TRIM10: variants seen among roughly 807,000 people sequenced by gnomAD.
TRIM10 encodes the protein tripartite motif-containing protein 10.
In TRIM10, 42 loss-of-function variants were observed where a neutral mutation model predicts 40.0. That is an observed-to-expected ratio of 1.05 (90% CI 0.82 to 1.36). The LOEUF (loss-of-function observed/expected upper bound fraction) is 1.36. Among genes scored for constraint, TRIM10 ranks in the 40% most tolerant of loss-of-function variants. The pLI is 0.00. For missense variants in TRIM10, 601 were observed against 608.3 expected (o/e 0.99, Z 0.13); for synonymous variants, 260 against 239.5 (o/e 1.09, Z -0.79).
At chr6:30,160,357 A>G in intron 1 of TRIM10, 73 bp downstream of exon 1, 1 of 1,522,202 alleles carries the variant, frequency 6.6e-7, no homozygotes, top group Non-Finnish European at 8.8e-7. Flanking sequence ...GGTGGCCTAA[A>G]TAATCCACAA....
chr6:30,162,672 C>T (rs1210862654), upstream of TRIM10, among the ~76,000 whole-genome samples: 1 of 152,038 alleles, frequency 6.6e-6, no homozygotes, highest in African/African-American at 2.4e-5. Context: ...AGACTGGGAT[C>T]GTCCTTAACG....
intron 2 of TRIM10, among the ~76,000 whole-genome samples, chr6:30,158,904 C>G (rs1581576646): frequency 1.3e-5 from 2 of 152,184 alleles, no homozygotes; most frequent in Non-Finnish European, 2.9e-5. Flanking sequence ...CAGCCCTGAG[C>G]TACTTTACAG....
upstream of TRIM10, among the ~76,000 whole-genome samples, chr6:30,162,671 T>G (rs1773214078): frequency 6.6e-6 from 1 of 152,172 alleles, no homozygotes; most frequent in African/African-American, 2.4e-5. Context: ...GAGACTGGGA[T>G]CGTCCTTAAC....
chr6:30,154,353 A>C lies in TRIM10; in HGVS notation c.1062T>G (p.Val354=), dbSNP rs1772317311. Residue 354 remains valine (V), a synonymous_variant, in exon 7 of 7, where the codon GTT becomes GTG. Transcript: ENST00000449742. ...NPQRFDRATC[V]LAHTGITGGR... is the part of the protein sequence containing the mutation. ...CCCCTGTGATGCCAGTGTGGGCCAG[A>C]ACACAGGTGGCCCGGTCAAAACGTT... is the stretch of plus-strand genomic sequence containing the variant. 3 of 1,612,922 alleles carry C rather than the reference A, an allele frequency of 1.9e-6. No individual in the cohort carries two copies. The highest frequency in any genetic ancestry group is 8.5e-7 in the Non-Finnish European group (1 of 1,180,024).
chr6:30,161,094 G>A lies in TRIM10; in HGVS notation c.-236C>T, dbSNP rs1444873223. ...GGAGAGGAAGGAAGAGGGGCTCACA[G>A]CATTTCAGAGGTGACCTTAGATGAC... On this transcript the variant is annotated 5_prime_UTR_variant, in exon 1 of 7. Transcript: ENST00000449742. 6.6e-6 allele frequency among the ~76,000 whole-genome samples: 1 copy of A among 152,186 alleles called. No homozygotes were observed. The highest frequency in any genetic ancestry group is 2.4e-5 in the African/African-American group (1 of 41,444).
Position 30,159,160 on chromosome 6 carries a change from T to C in TRIM10, c.515A>G (p.Gln172Arg), listed in dbSNP as rs779094819. ...GGGGTGATGACTTACCAGGAGGACTTGCATCCTTTTATTTTCTCTTGACTG... is the reference window on the plus strand; with the variant it reads ...GGGGTGATGACTTACCAGGAGGACTCGCATCCTTTTATTTTCTCTTGACTG... ...EIQSRENKRM[Q>R]VLLTQVSTKR... The change falls in exon 2 of 7, where the codon CAA becomes CGA. Residue 172 changes from glutamine (Q) to arginine (R), a missense_variant. Physicochemically the swap from Gln to Arg is conservative, Grantham distance 43. Coordinates refer to ENST00000449742, the MANE Select transcript of TRIM10 (RefSeq NM_006778.4). 1.9e-6 allele frequency: 3 copies of C among 1,609,876 alleles called. No homozygotes were observed. The highest frequency in any genetic ancestry group is 2.5e-6 in the Non-Finnish European group (3 of 1,177,108).
upstream of TRIM10, chr6:30,163,198 C>G (rs1773275983): frequency 6.1e-6 from 1 of 164,222 alleles, no homozygotes; most frequent in Admixed American, 5.6e-5. Context: ...CCTCTCACTC[C>G]AGCCTGGACT....
intron 6 of TRIM10, 56 bp downstream of exon 6, chr6:30,155,671 T>G: frequency 1.9e-6 from 3 of 1,587,986 alleles, no homozygotes; most frequent in Non-Finnish European, 2.6e-6. Flanking sequence ...CCTGCAAAAT[T>G]TTCTCTCCTT....
At chr6:30,154,834 C>T in intron 6 of TRIM10, 1 of 585,244 alleles carries the variant, frequency 1.7e-6, no homozygotes, top group Non-Finnish European at 3.2e-6. Flanking sequence ...CTTGGATCTC[C>T]TGGGGCTGAT....
In TRIM10 at chr6:30,153,715, G is replaced by A. The variant is rs761975346; in HGVS notation, c.*254C>T. 8.7e-6 allele frequency: 14 copies of A among 1,612,844 alleles called. No homozygotes were observed. The highest frequency in any genetic ancestry group is 5.5e-5 in the South Asian group (5 of 91,050). Reference sequence around the variant, plus strand: ...ATGCAGCTACTTCTGTGCCAAGCACGGATGGTGGTGAGCAGAACTGGCAGC... The same window carrying A: ...ATGCAGCTACTTCTGTGCCAAGCACAGATGGTGGTGAGCAGAACTGGCAGC... On this transcript the variant is annotated 3_prime_UTR_variant, in exon 7 of 7. Coordinates refer to ENST00000449742, the MANE Select transcript of TRIM10 (RefSeq NM_006778.4).
chr6:30,162,753 C>T (rs1413576440), upstream of TRIM10, among the ~76,000 whole-genome samples: 1 of 151,970 alleles, frequency 6.6e-6, no homozygotes, highest in Non-Finnish European at 1.5e-5. Flanking sequence ...ATTTCTTTCT[C>T]TGTAAAATGA....
intron 6 of TRIM10, among the ~76,000 whole-genome samples, chr6:30,155,220 G>A (rs972831604): frequency 6.6e-6 from 1 of 152,106 alleles, no homozygotes; most frequent in African/African-American, 2.4e-5. Flanking sequence ...CAGCCTTGAA[G>A]GGGTCCATTC....
At chr6:30,157,657 C>CTTTTTTCTT (rs1772675112) in intron 3 of TRIM10, among the ~76,000 whole-genome samples, 1 of 77,866 alleles carries the variant, frequency 1.3e-5, no homozygotes, top group Non-Finnish European at 2.3e-5. Context: ...GGCTAATTTT[C>CTTTTTTCTT]TTTTTTTTTT....
intron 6 of TRIM10, among the ~76,000 whole-genome samples, chr6:30,155,243 T>C (rs1772418553): frequency 6.6e-6 from 1 of 152,142 alleles, no homozygotes; most frequent in African/African-American, 2.4e-5. Flanking sequence ...TTCATTTTTT[T>C]CCCACCCACA....
At chr6:30,163,682 G>C, upstream of TRIM10, 2 of 1,598,878 alleles carry the variant, frequency 1.3e-6, no homozygotes, top group Non-Finnish European at 1.7e-6. Flanking sequence ...GGAAGGCACC[G>C]TGATGCCCGC....
At chr6:30,157,144 G>C in intron 4 of TRIM10, 90 bp from the exon 5 acceptor site, 1 of 1,336,520 alleles carries the variant, frequency 7.5e-7, no homozygotes, top group Non-Finnish European at 1.1e-6. Context: ...GGGCATGATG[G>C]CGCTAGTTCC....
Position 30,153,964 on chromosome 6 carries a change from C to G in TRIM10, c.*5G>C. 6.3e-7 allele frequency: 1 copy of G among 1,592,182 alleles called. No individual in the cohort carries two copies. The highest frequency in any genetic ancestry group is 8.6e-7 in the Non-Finnish European group (1 of 1,165,790). On this transcript the variant is annotated 3_prime_UTR_variant, in exon 7 of 7. Coordinates refer to ENST00000449742, the MANE Select transcript of TRIM10 (RefSeq NM_006778.4). ...ACTTAGAGGAGAGTAGGTAACTGCT[C>G]CTTCTCAGGAGCTCAGGGAGAAACT...
At chr6:30,156,073 C>T (rs982594845) in intron 5 of TRIM10, among the ~76,000 whole-genome samples, 2 of 152,338 alleles carry the variant, frequency 1.3e-5, no homozygotes, top group African/African-American at 4.8e-5. Flanking sequence ...CCATGACTGC[C>T]TTGCTCACCT....
rs548134704 is a variant in TRIM10 at position 30,158,490 on chromosome 6, T to A, written c.665A>T (p.Asp222Val). Residue 222 changes from aspartate (D) to valine (V), a missense_variant, in exon 3 of 7, where the codon GAT becomes GTT. Asp to Val is a radical substitution (Grantham distance 152). Transcript: ENST00000449742. ...GDILRQRDEF[D>V]LLVAGEICRF... is the part of the protein sequence containing the mutation. Reference sequence around the variant, plus strand: ...GCAGATCTCCCCAGCAACCAGCAAATCAAATTCATCCCGTTGCCTCAAGAT... The same window carrying A: ...GCAGATCTCCCCAGCAACCAGCAAAACAAATTCATCCCGTTGCCTCAAGAT... 6.2e-7 allele frequency: 1 copy of A among 1,613,008 alleles called. No individual in the cohort carries two copies. The highest frequency in any genetic ancestry group is 2.2e-5 in the East Asian group (1 of 44,886).
Sources: allele counts gnomAD v4.1 joint callset (sites outside exome capture counted in the v4.1 genomes callset), GRCh38; gene constraint gnomAD v4.1.1; transcripts MANE v1.5; gene names NCBI Gene and HGNC (gene_info 2026-07-23, HGNC 2026-07-21).